Variants in IFT43 observed in about 807,000 individuals in gnomAD.
The protein encoded by IFT43 is intraflagellar transport protein 43 homolog.
Under a neutral mutation model 32.3 loss-of-function variants are expected in IFT43, and 33 were observed. That is an observed-to-expected ratio of 1.02 (90% CI 0.77 to 1.37). IFT43 has a LOEUF of 1.37. Among genes scored for constraint, IFT43 ranks in the 40% most tolerant of loss-of-function variants. IFT43 has a pLI of 0.00. For synonymous variants in IFT43, 93 were observed against 98.2 expected, an observed-to-expected ratio of 0.95 and a Z score of 0.31; for missense variants, 274 against 265.9, an observed-to-expected ratio of 1.03 and a Z score of -0.21.
chr14:76,066,440 C>G (rs576370972), intron 5 of IFT43, among the ~76,000 whole-genome samples: 114 of 152,334 alleles, frequency 7.5e-4, no homozygotes, highest in Non-Finnish European at 1.2e-3. Flanking sequence ...ACACTTCACA[C>G]TCGACTTAGT....
At chr14:76,037,454 G>A (rs1409140206) in intron 3 of IFT43, among the ~76,000 whole-genome samples, 1 of 152,212 alleles carries the variant, frequency 6.6e-6, no homozygotes, top group Non-Finnish European at 1.5e-5. Context: ...AGTGATGACT[G>A]TCTAATTTCC....
At chr14:76,056,156 G>T (rs1040645820) in intron 3 of IFT43, among the ~76,000 whole-genome samples, 8 of 152,200 alleles carry the variant, frequency 5.3e-5, no homozygotes, top group African/African-American at 1.9e-4. Context: ...GCTGGGAAGT[G>T]GCCAGTGTTC....
chr14:76,003,291 T>G (rs2035923622), intron 2 of IFT43, among the ~76,000 whole-genome samples: 2 of 152,114 alleles, frequency 1.3e-5, no homozygotes, highest in African/African-American at 4.8e-5. Context: ...ACTCTAGGAT[T>G]TAAAATATGC....
At chr14:76,082,209 G>A in intron 5 of IFT43, 86 bp from the exon 6 acceptor site, 1 of 1,223,144 alleles carries the variant, frequency 8.2e-7, no homozygotes, top group South Asian at 1.2e-5. Context: ...TGGCTGGTGT[G>A]TTGAAGGGGA....
chr14:76,008,268 C>T (rs940849501), intron 2 of IFT43, among the ~76,000 whole-genome samples: 2 of 152,126 alleles, frequency 1.3e-5, no homozygotes, highest in Admixed American at 6.5e-5. Flanking sequence ...GCAAGGCCTC[C>T]CCCAAGTAAA....
chr14:75,996,083 T>C (rs1269316764), intron 2 of IFT43, among the ~76,000 whole-genome samples: 2 of 152,220 alleles, frequency 1.3e-5, no homozygotes, highest in Non-Finnish European at 2.9e-5. Context: ...GCTTTCTTGC[T>C]GGCTTCTGTG....
chr14:76,058,954 A>T, intron 4 of IFT43: 1 of 1,438,028 alleles, frequency 7.0e-7, no homozygotes, highest in Non-Finnish European at 9.1e-7. Context: ...TGCATTATTG[A>T]TATAGATGGG....
chr14:76,039,955 GCTT>G (rs1262734220), intron 3 of IFT43, among the ~76,000 whole-genome samples: 2 of 152,082 alleles, frequency 1.3e-5, no homozygotes, highest in Admixed American at 1.3e-4. Context: ...GAGTAGAAGA[GCTT>G]CTTTTCTTTT....
At chr14:76,020,445 G>A (rs1161423385) in intron 2 of IFT43, among the ~76,000 whole-genome samples, 1 of 152,042 alleles carries the variant, frequency 6.6e-6, no homozygotes, top group East Asian at 1.9e-4. Flanking sequence ...CATGTTTCCT[G>A]TGTTCTTACA....
chr14:75,993,843 G>A (rs1426599182), intron 2 of IFT43, among the ~76,000 whole-genome samples: 1 of 152,168 alleles, frequency 6.6e-6, no homozygotes. Flanking sequence ...AGTTCAAGGT[G>A]CATGCCAGTA....
In IFT43 at chr14:75,995,658, A is replaced by G. The variant is rs2035730374; in HGVS notation, c.147+6681A>G. Among the ~76,000 whole-genome samples the G allele has an allele frequency of 2.0e-5, 3 of 152,076 alleles. No individual in the cohort carries two copies. The South Asian group carries it at 6.2e-4, about 32-fold the overall frequency. On this transcript the variant is annotated intron_variant, in intron 2 of 8. Coordinates refer to ENST00000314067, the MANE Select transcript of IFT43 (RefSeq NM_001102564.3). ...CCAGCCAGGCAGTTATTTTCAGCCC[A>G]ATAGGGTTATCTGCTGACCCTTTTT...
chr14:76,080,315 G>A (rs1173433936), intron 5 of IFT43, among the ~76,000 whole-genome samples: 1 of 152,102 alleles, frequency 6.6e-6, no homozygotes, highest in Non-Finnish European at 1.5e-5. Context: ...CAAGGCCCGA[G>A]CTGACCTCTG....
At chr14:76,075,607 G>T (rs1311116536) in intron 5 of IFT43, among the ~76,000 whole-genome samples, 1 of 152,226 alleles carries the variant, frequency 6.6e-6, no homozygotes, top group Non-Finnish European at 1.5e-5. Context: ...TGAAATGCAT[G>T]GAGTGTCCAC....
chr14:76,002,374 GGT>G (rs2035903707), intron 2 of IFT43, among the ~76,000 whole-genome samples: 1 of 152,108 alleles, frequency 6.6e-6, no homozygotes, highest in African/African-American at 2.4e-5. Flanking sequence ...TAAGGGGGGG[GGT>G]GGCATGATGT....
chr14:76,034,990 A>C (rs1347570146), intron 3 of IFT43, among the ~76,000 whole-genome samples: 1 of 152,222 alleles, frequency 6.6e-6, no homozygotes, highest in Non-Finnish European at 1.5e-5. Context: ...TAGTTTGATT[A>C]AGTTTTGTCT....
rs188483011 is a variant in IFT43 at position 76,017,452 on chromosome 14, C to T, written c.148-4875C>T. On this transcript the variant is annotated intron_variant, in intron 2 of 8. Transcript: ENST00000314067. ...GATGTGTTGTTGGATTCAGTTTGCT[C>T]GTATTTTGTTGGGGATTTTTGCATC... Among the ~76,000 whole-genome samples the T allele has an allele frequency of 7.2e-5, 11 of 152,004 alleles. No homozygotes were observed. The East Asian group carries it at 1.2e-3, about 16-fold the overall frequency.
chr14:76,058,950 A>G lies in IFT43; in HGVS notation c.248+276A>G, dbSNP rs1438360451. The G allele has an allele frequency of 2.8e-6, 4 of 1,439,106 alleles. No homozygotes were observed. In the African/African-American group the frequency reaches 5.7e-5, roughly 21 times the overall value. 89.1% of individuals were successfully genotyped at this position (1,439,106 alleles called of 1,614,324 possible). On this transcript the variant is annotated intron_variant, in intron 4 of 8. Coordinates refer to ENST00000314067, the MANE Select transcript of IFT43 (RefSeq NM_001102564.3). ...GGTACTGGCCCATGCCTTCTGCATTATTGATATAGATGGGCAGAAGCAATA... is the reference window on the plus strand; with the variant it reads ...GGTACTGGCCCATGCCTTCTGCATTGTTGATATAGATGGGCAGAAGCAATA...
chr14:76,047,165 G>A (rs1353377417), intron 3 of IFT43, among the ~76,000 whole-genome samples: 2 of 152,144 alleles, frequency 1.3e-5, no homozygotes, highest in African/African-American at 4.8e-5. Context: ...GTTTTGGAGG[G>A]GCCACATATA....
chr14:76,028,520 G>A lies in IFT43; in HGVS notation c.215+6126G>A, dbSNP rs374428458. Among the ~76,000 whole-genome samples the A allele has an allele frequency of 3.3e-5, 5 of 152,152 alleles. No homozygotes were observed. In the East Asian group the frequency reaches 7.7e-4, roughly 23 times the overall value. ...ATATATGCGCAGGTTTGTTACAGGG[G>A]TATGTTGCATGATGCTGAGGTTTGA... On this transcript the variant is annotated intron_variant, in intron 3 of 8. Transcript: ENST00000314067.
Sources: gnomAD v4.1 joint callset for allele counts (sites outside exome capture counted in the v4.1 genomes callset) on GRCh38, gnomAD v4.1.1 for gene constraint, MANE v1.5 for transcripts, NCBI Gene and HGNC (gene_info 2026-07-23, HGNC 2026-07-21) for gene names.